Variants in DOCK9 observed in about 807,000 individuals in gnomAD.
DOCK9 encodes dedicator of cytokinesis protein 9.
In DOCK9, 89 loss-of-function variants were observed where a neutral mutation model predicts 263.3. That is an observed-to-expected ratio of 0.34 (90% CI 0.28 to 0.40). DOCK9 has a LOEUF of 0.40. Ranked by LOEUF, DOCK9 falls within the 10% of genes least tolerant of loss-of-function variation. The pLI, the probability that DOCK9 is intolerant of heterozygous loss-of-function variation, is 1.00. For synonymous variants in DOCK9, 976 were observed against 973.1 expected (o/e 1.00, Z -0.06); for missense variants, 2,140 against 2,603.4 (o/e 0.82, Z 3.87).
chr13:99,041,129 G>A (rs1241683202), intron 1 of DOCK9, among the ~76,000 whole-genome samples: 5 of 152,114 alleles, frequency 3.3e-5, no homozygotes, highest in African/African-American at 1.2e-4. Context: ...ACAGTGGGTA[G>A]AAATAAGACA....
At chr13:98,892,124 C>T (rs1317842096) in intron 15 of DOCK9, among the ~76,000 whole-genome samples, 1 of 152,122 alleles carries the variant, frequency 6.6e-6, no homozygotes, top group African/African-American at 2.4e-5. Context: ...ATTAAGTAAG[C>T]ATGCAATACA....
chr13:99,040,558 T>C (rs1888362282), intron 1 of DOCK9, among the ~76,000 whole-genome samples: 1 of 152,138 alleles, frequency 6.6e-6, no homozygotes, highest in African/African-American at 2.4e-5. Context: ...TAAAACTCAA[T>C]CCAAACATTA....
chr13:98,799,269 T>C (rs140262595), intron 50 of DOCK9, among the ~76,000 whole-genome samples: 116 of 152,344 alleles, frequency 7.6e-4, no homozygotes, highest in Middle Eastern at 3.4e-3. Flanking sequence ...AAAACCTATG[T>C]ATTATAATCC....
Position 98,930,255 on chromosome 13 carries a change from C to T in DOCK9, c.246G>A (p.Thr82=), listed in dbSNP as rs771166404. The T allele has an allele frequency of 8.7e-6, 14 of 1,608,068 alleles. No homozygotes were observed. Among genetic ancestry groups the T allele is most frequent in the African/African-American group, 4.0e-5 (3 of 74,870 alleles). Residue 82 remains threonine (T), a splice_region_variant and synonymous_variant, in exon 3 of 53, where the codon ACG becomes ACA. Transcript: ENST00000682017. The part of the protein sequence containing the change: ...MLLFPYDDFQ[T]AILRRQGRYI... ...ATCGACCCTGTCGTCTCAGGATGGC[C>T]GTCTGGAAACAAAAACAGGAGGAAA...
chr13:99,006,502 T>C (rs1243568702), intron 1 of DOCK9, among the ~76,000 whole-genome samples: 1 of 152,256 alleles, frequency 6.6e-6, no homozygotes, highest in Non-Finnish European at 1.5e-5. Flanking sequence ...TGGAATACTA[T>C]ACATATGTTA....
Position 98,825,445 on chromosome 13 carries a change from A to T in DOCK9, c.5024-941T>A, listed in dbSNP as rs138551126. On this transcript the variant is annotated intron_variant, in intron 44 of 52. Coordinates refer to ENST00000682017, the MANE Select transcript of DOCK9 (RefSeq NM_001366683.2). This position sits in a 1 kb window ranked among gnomAD's most constrained non-coding sequence, Gnocchi z 4.1. Reference sequence around the variant, plus strand: ...GAAAACGGAGATCCTGAAGTCAGAGATTTTTCTGCTGCACATGATCCCAGG... The same window carrying T: ...GAAAACGGAGATCCTGAAGTCAGAGTTTTTTCTGCTGCACATGATCCCAGG... Among the ~76,000 whole-genome samples the T allele has an allele frequency of 1.6e-3, 244 of 152,214 alleles. No individual in the cohort carries two copies. Among genetic ancestry groups the T allele is most frequent in the African/African-American group, 5.5e-3 (229 of 41,536 alleles).
At chr13:98,930,961 G>A (rs1180286129) in intron 2 of DOCK9, among the ~76,000 whole-genome samples, 2 of 152,026 alleles carry the variant, frequency 1.3e-5, no homozygotes, top group African/African-American at 4.8e-5. Context: ...ACATTTTTAA[G>A]TATACAGTTC....
At chr13:98,883,779 C>G (rs2045231659) in intron 22 of DOCK9, 34 bp downstream of exon 22, 1 of 1,461,322 alleles carries the variant, frequency 6.8e-7, no homozygotes, top group South Asian at 1.3e-5. Context: ...TGTCACAGGG[C>G]AGCAACTGCT....
Position 98,800,486 on chromosome 13 carries a change from G to A in DOCK9, c.5726-8C>T. 6.2e-7 allele frequency: 1 copy of A among 1,611,398 alleles called. No homozygotes were observed. The highest frequency in any genetic ancestry group is 1.1e-5 in the South Asian group (1 of 90,924). On this transcript the variant is annotated splice_region_variant and splice_polypyrimidine_tract_variant and intron_variant, in intron 49 of 52. Coordinates refer to ENST00000682017, the MANE Select transcript of DOCK9 (RefSeq NM_001366683.2). ...AAGGGAAGCAGTGTATGGCTGCAGAGGGTAAGCCCCAGAATTACTGCATGG... is the reference window on the plus strand; with the variant it reads ...AAGGGAAGCAGTGTATGGCTGCAGAAGGTAAGCCCCAGAATTACTGCATGG...
At chr13:98,827,331 T>C (rs1363673187) in intron 43 of DOCK9, among the ~76,000 whole-genome samples, 1 of 152,266 alleles carries the variant, frequency 6.6e-6, no homozygotes, top group Non-Finnish European at 1.5e-5. Context: ...GAGCAAGTTA[T>C]AATTTTTTCC....
At chr13:98,895,146 G>GAA (rs33985955) in intron 15 of DOCK9, among the ~76,000 whole-genome samples, 42,064 of 130,150 alleles carry the variant, frequency 0.32, 7,866 homozygotes, top group Non-Finnish European at 0.42. Context: ...CTCCATCTCG[G>GAA]AAAAAAAAAA....
intron 45 of DOCK9, among the ~76,000 whole-genome samples, chr13:98,821,224 A>G (rs1312349650): frequency 2.0e-5 from 3 of 151,918 alleles, no homozygotes; most frequent in Non-Finnish European, 4.4e-5. Context: ...GTTGCTGTTG[A>G]GTTTGGCCAA....
intron 1 of DOCK9, among the ~76,000 whole-genome samples, chr13:99,043,572 G>A (rs767559736): frequency 1.3e-5 from 2 of 152,140 alleles, no homozygotes; most frequent in East Asian, 1.9e-4. Flanking sequence ...CAGGTACGTC[G>A]GGGAGAGAGG....
In DOCK9 at chr13:98,904,775, T is replaced by C; in HGVS notation, c.961-69A>G. ...TCTTGCAAAGGTGCCCAAATACATT[T>C]AAAAGCTGCCCAGTCCTGAAGGTTG... is the stretch of plus-strand genomic sequence containing the variant. On this transcript the variant is annotated intron_variant, in intron 9 of 52. Coordinates refer to ENST00000682017, the MANE Select transcript of DOCK9 (RefSeq NM_001366683.2). 7.3e-6 allele frequency: 10 copies of C among 1,371,830 alleles called. 1 individual carries two copies. Among genetic ancestry groups the C allele is most frequent in the Non-Finnish European group, 9.0e-6 (9 of 1,000,134 alleles). 85.0% of individuals were successfully genotyped at this position (1,371,830 alleles called of 1,614,324 possible).
intron 9 of DOCK9, among the ~76,000 whole-genome samples, chr13:98,906,653 A>C (rs2049147621): frequency 2.0e-5 from 3 of 152,176 alleles, no homozygotes; most frequent in African/African-American, 7.2e-5. Flanking sequence ...TGACAGAACA[A>C]AGTCTCTTAT....
intron 1 of DOCK9, among the ~76,000 whole-genome samples, chr13:98,997,589 A>C (rs1252355160): frequency 1.3e-5 from 2 of 152,194 alleles, no homozygotes; most frequent in African/African-American, 2.4e-5. Flanking sequence ...CTCTTTTGAT[A>C]TCCTTTGTTG....
rs548970469 is a variant in DOCK9 at position 98,826,979 on chromosome 13, G to A, written c.4966-92C>T. On this transcript the variant is annotated intron_variant, in intron 43 of 52. Coordinates refer to ENST00000682017, the MANE Select transcript of DOCK9 (RefSeq NM_001366683.2). Reference sequence around the variant, plus strand: ...ACAGAAATCTAATCAATGTATGAACGTATATATTAGATCTCAATGCACCAG... The same window carrying A: ...ACAGAAATCTAATCAATGTATGAACATATATATTAGATCTCAATGCACCAG... 418 of 901,858 alleles carry A rather than the reference G, an allele frequency of 4.6e-4. 2 individuals carry two copies. The African/African-American group carries it at 6.4e-3, about 14-fold the overall frequency. The allele number at this position is 901,858 out of a possible 1,614,324, so 55.9% of individuals were successfully genotyped here. A position where few individuals can be genotyped will look rare whatever the true frequency, so the allele number is the denominator to read the frequency against.
intron 1 of DOCK9, among the ~76,000 whole-genome samples, chr13:99,044,056 G>A (rs780808498): frequency 6.6e-6 from 1 of 152,168 alleles, no homozygotes; most frequent in Non-Finnish European, 1.5e-5. Flanking sequence ...TTATTTATAT[G>A]ACAGATTAGC....
In DOCK9 at chr13:98,853,531, A is replaced by G. The variant is rs1428291085; in HGVS notation, c.3832-9T>C. The G allele has an allele frequency of 6.3e-7, 1 of 1,581,152 alleles. No individual in the cohort carries two copies. Among genetic ancestry groups the G allele is most frequent in the Non-Finnish European group, 8.7e-7 (1 of 1,154,244 alleles). On this transcript the variant is annotated splice_polypyrimidine_tract_variant and intron_variant, in intron 34 of 52. Transcript: ENST00000682017. ...GTGCTACTTTGTTGGTGCTAAAAAG[A>G]AAATACAGGTGATTTTTCTATTTAA...
Sources: gnomAD v4.1 joint callset for allele counts (sites outside exome capture counted in the v4.1 genomes callset) on GRCh38, gnomAD v4.1.1 for gene constraint, Gnocchi (gnomAD v3.1) non-coding constraint, MANE v1.5 for transcripts, NCBI Gene and HGNC (gene_info 2026-07-23, HGNC 2026-07-21) for gene names.